The following CTU2 variants were observed in gnomAD, a reference collection of about 807,000 sequenced individuals.
CTU2 encodes the protein cytoplasmic tRNA 2-thiolation protein 2.
A neutral mutation model predicts 64.1 loss-of-function variants in CTU2; 80 were observed. The observed-to-expected ratio is 1.25, with a 90% confidence interval of 1.04 to 1.50. The LOEUF is 1.50. CTU2 is among the 40% of genes most tolerant of loss of function. CTU2 has a pLI of 0.00. For synonymous variants in CTU2, 482 were observed against 285.3 expected, an observed-to-expected ratio of 1.69 and a Z score of -6.95; for missense variants, 1,110 against 690.2, an observed-to-expected ratio of 1.61 and a Z score of -6.81.
intron 9 of CTU2, 130 bp downstream of exon 9, chr16:88,713,908 C>T (rs1911609070): frequency 2.3e-6 from 3 of 1,305,712 alleles, no homozygotes; most frequent in Non-Finnish European, 3.2e-6. Context: ...CCCAGCAGTG[C>T]TGCATCCTCT....
chr16:88,714,956 G>T (rs1324412626), intron 13 of CTU2, 30 bp downstream of exon 13: 1 of 1,606,988 alleles, frequency 6.2e-7, no homozygotes, highest in Admixed American at 1.7e-5. Context: ...TCCTGGGCCG[G>T]GCTTGGGGAC....
At chr16:88,711,604 G>C (rs749663530) in intron 4 of CTU2, 31 bp from the exon 5 acceptor site, 3 of 1,570,240 alleles carry the variant, frequency 1.9e-6, no homozygotes, top group Non-Finnish European at 2.6e-6. Flanking sequence ...CTTATGGCTG[G>C]GGGCTGAGTC....
chr16:88,710,443 A>G (rs1381867560), intron 4 of CTU2, 161 bp downstream of exon 4: 1 of 651,332 alleles, frequency 1.5e-6, no homozygotes, highest in Non-Finnish European at 2.6e-6. Flanking sequence ...CAACAGGTGC[A>G]CCAATCAGGA....
At chr16:88,712,177 C>T (rs1253811477) in intron 5 of CTU2, 97 bp from the exon 6 acceptor site, 3 of 1,029,672 alleles carry the variant, frequency 2.9e-6, no homozygotes, top group Admixed American at 2.0e-5. Context: ...CCCTGCGGAG[C>T]GAGGCCTCGA....
Position 88,712,693 on chromosome 16 carries a change from GGCGGCCGTGGACA to G in CTU2, c.528_540del (p.Ala177SerfsTer52). The G allele has an allele frequency of 4.3e-6, 7 of 1,610,534 alleles. No homozygotes were observed. The highest frequency in any genetic ancestry group is 5.9e-6 in the Non-Finnish European group (7 of 1,179,508). Reference sequence around the variant, plus strand: ...TGGTGGGATCCGAGGGGGCCTACAAGGCGGCCGTGGACAGCTTCCTCCAGCAGCAGCATGTGCT... The same window carrying G: ...TGGTGGGATCCGAGGGGGCCTACAAGGCTTCCTCCAGCAGCAGCATGTGCT... On this transcript the variant is annotated frameshift_variant, in exon 7 of 15. Coordinates refer to ENST00000453996, the MANE Select transcript of CTU2 (RefSeq NM_001012759.3). LOFTEE classifies it high-confidence loss of function.
In CTU2 at chr16:88,713,718, C is replaced by A. The variant is rs752182695; in HGVS notation, c.945C>A (p.Val315=). Reference sequence around the variant, plus strand: ...TGCGGGACCACACCCTGAAGGAGGTCGCTTTCTACAACCGCCTGTTCTCCG... The same window carrying A: ...TGCGGGACCACACCCTGAAGGAGGTAGCTTTCTACAACCGCCTGTTCTCCG... ...RPMRDHTLKE[V]AFYNRLFSVP... is the part of the protein sequence containing the mutation. Residue 315 remains valine, a synonymous_variant, in exon 9 of 15, where the codon GTC becomes GTA. Transcript: ENST00000453996. 1 of 1,612,676 alleles carries A rather than the reference C, an allele frequency of 6.2e-7. No homozygotes were observed. Among genetic ancestry groups the A allele is most frequent in the African/African-American group, 1.3e-5 (1 of 75,050 alleles).
chr16:88,712,185 C>T (rs752219105), intron 5 of CTU2, 89 bp from the exon 6 acceptor site: 42 of 1,159,316 alleles, frequency 3.6e-5, no homozygotes, highest in East Asian at 1.0e-4. Context: ...AGCGAGGCCT[C>T]GAAGGGTTTT....
chr16:88,712,326 A>G lies in CTU2; in HGVS notation c.396A>G (p.Glu132=), dbSNP rs1413271799. ...SLEERSKTLA[E]VKPILQATGF... ...AGGAGAGATCAAAGACCCTGGCCGAAGTGAAGCCCATTCTGCAAGCAACTG... is the reference window on the plus strand; with the variant it reads ...AGGAGAGATCAAAGACCCTGGCCGAGGTGAAGCCCATTCTGCAAGCAACTG... Residue 132 remains glutamate (E), a synonymous_variant, in exon 6 of 15, where the codon GAA becomes GAG. Coordinates refer to ENST00000453996, the MANE Select transcript of CTU2 (RefSeq NM_001012759.3). The G allele has an allele frequency of 6.2e-7, 1 of 1,610,756 alleles. No individual in the cohort carries two copies. The highest frequency in any genetic ancestry group is 1.7e-5 in the Admixed American group (1 of 59,662).
chr16:88,713,685 G>T lies in CTU2; in HGVS notation c.912G>T (p.Val304=). The part of the protein sequence containing the change: ...SDERHGDVVV[V]RPMRDHTLKE... ...AGCGGCACGGGGACGTGGTGGTGGT[G>T]CGGCCCATGCGGGACCACACCCTGA... Residue 304 remains valine, a synonymous_variant, in exon 9 of 15, where the codon GTG becomes GTT. Transcript: ENST00000453996. 2 of 1,612,578 alleles carry T rather than the reference G, an allele frequency of 1.2e-6. No homozygotes were observed. The highest frequency in any genetic ancestry group is 1.7e-6 in the Non-Finnish European group (2 of 1,179,872).
rs750023352 is a variant in CTU2 at position 88,707,240 on chromosome 16, C to G, written c.143+30C>G. ...GGCCTGGAGGTGGCTGAGACCCTGG[C>G]AAACATGGCCTCGCTAGCAGACAGG... On this transcript the variant is annotated intron_variant, in intron 2 of 14. Transcript: ENST00000453996. The G allele has an allele frequency of 3.7e-6, 6 of 1,601,130 alleles. No homozygotes were observed. The South Asian group carries it at 6.6e-5, about 18-fold the overall frequency.
Position 88,707,228 on chromosome 16 carries a change from C to T in CTU2, c.143+18C>T, listed in dbSNP as rs551904631. On this transcript the variant is annotated intron_variant, in intron 2 of 14. Transcript: ENST00000453996. ...TTCTGCAGGTGAGGCCTGGAGGTGG[C>T]TGAGACCCTGGCAAACATGGCCTCG... 2.2e-5 allele frequency: 36 copies of T among 1,612,044 alleles called. 1 individual carries two copies. In the South Asian group the frequency reaches 2.4e-4, roughly 11 times the overall value.
At chr16:88,713,548 G>T (rs529576556) in intron 8 of CTU2, 99 bp from the exon 9 acceptor site, 28 of 1,358,984 alleles carry the variant, frequency 2.1e-5, no homozygotes, top group Non-Finnish European at 2.7e-5. Flanking sequence ...CTGCGGCCTC[G>T]GATGGTGGTG....
chr16:88,714,254 G>GT, intron 10 of CTU2, 27 bp downstream of exon 10: 1 of 1,599,848 alleles, frequency 6.3e-7, no homozygotes, highest in Non-Finnish European at 8.5e-7. Flanking sequence ...GTGTGTGCGG[G>GT]GGGTGCGCGG....
At chr16:88,715,017 C>G (rs776481279) in intron 13 of CTU2, 31 bp from the exon 14 acceptor site, 1 of 1,581,670 alleles carries the variant, frequency 6.3e-7, no homozygotes, top group Non-Finnish European at 8.6e-7. Flanking sequence ...TGGCAGGTTT[C>G]TTGGCCCCTC....
chr16:88,714,113 G>A, intron 9 of CTU2, 23 bp from the exon 10 acceptor site: 1 of 1,609,762 alleles, frequency 6.2e-7, no homozygotes, highest in South Asian at 1.1e-5. Context: ...CTTTCCCATA[G>A]CCTCCAATCT....
At chr16:88,714,814 G>A (rs1343205179) in intron 12 of CTU2, 46 bp from the exon 13 acceptor site, 5 of 1,611,580 alleles carry the variant, frequency 3.1e-6, no homozygotes, top group Non-Finnish European at 3.4e-6. Context: ...ACACTGCACG[G>A]CATTGAGGTG....
Position 88,706,537 on chromosome 16 carries a change from C to T in CTU2, c.7C>T (p.Gln3Ter). The part of the protein sequence containing the change: MC[Q>*]VGEDYGEPAP... ...GACGGGACCCGGCGTGCCCATGTGT[C>T]AGGTGGGCGAGGACTACGGGGAGCC... is the stretch of plus-strand genomic sequence containing the variant. Residue 3 changes from glutamine (Q) to a stop codon, truncating the protein, a stop_gained, in exon 1 of 15, where the codon CAG becomes TAG. Coordinates refer to ENST00000453996, the MANE Select transcript of CTU2 (RefSeq NM_001012759.3). LOFTEE classifies it high-confidence loss of function. The T allele has an allele frequency of 6.9e-7, 1 of 1,456,514 alleles. No homozygotes were observed. 90.2% of individuals were successfully genotyped at this position (1,456,514 alleles called of 1,614,324 possible).
At chr16:88,711,967 C>T (rs1034103671) in intron 5 of CTU2, 3 of 606,520 alleles carry the variant, frequency 4.9e-6, no homozygotes, top group Admixed American at 2.9e-5. Context: ...GCTGCCCAGC[C>T]CCCATCACGG....
In CTU2 at chr16:88,714,913, A is replaced by G. The variant is rs1911801036; in HGVS notation, c.1406A>G (p.Asn469Ser). 3 of 1,612,638 alleles carry G rather than the reference A, an allele frequency of 1.9e-6. No homozygotes were observed. The highest frequency in any genetic ancestry group is 2.5e-6 in the Non-Finnish European group (3 of 1,179,884). Residue 469 changes from asparagine (N) to serine (S), a missense_variant, in exon 13 of 15, where the codon AAC becomes AGC. Transcript: ENST00000453996. ...CAGCTGTGCTACAGCTGCCGCGTGA[A>G]CATGAAGGACTTGGTGAGTACGTGC... ...EEQLCYSCRV[N>S]MKDLPSLDPL... is the part of the protein sequence containing the mutation.
Sources: gnomAD v4.1 joint callset for allele counts on GRCh38, gnomAD v4.1.1 for gene constraint, MANE v1.5 for transcripts, NCBI Gene and HGNC (gene_info 2026-07-23, HGNC 2026-07-21) for gene names.